The following SASH1 variants were observed in gnomAD, a reference collection of about 807,000 sequenced individuals.
SASH1 encodes SAM and SH3 domain-containing protein 1.
In SASH1, 44 loss-of-function variants were observed where a neutral mutation model predicts 125.2. The ratio of observed to expected loss-of-function variants is 0.35; its 90% CI spans 0.28 to 0.45. SASH1 has a LOEUF of 0.45. Among genes scored for constraint, SASH1 ranks in the 20% least tolerant of loss-of-function variants. The pLI, the probability that SASH1 is intolerant of heterozygous loss-of-function variation, is 1.00. For synonymous variants in SASH1, 639 were observed against 649.1 expected (o/e 0.98, Z 0.24); for missense variants, 1,426 against 1,614.5 (o/e 0.88, Z 2.00).
At position 148,548,646 on chromosome 6, in the gene SASH1, T is replaced by A. The variant is rs1490831989; in HGVS notation, c.*88T>A. 2.8e-6 allele frequency: 4 copies of A among 1,434,750 alleles called. No homozygotes were observed. In the African/African-American group the frequency reaches 5.7e-5, roughly 20 times the overall value. 88.9% of individuals were successfully genotyped at this position (1,434,750 alleles called of 1,614,324 possible). ...GCAATTCCTCCATCATCTCTGGACG[T>A]GCAGACCAGATCCAGAAGAAAGGCC... On this transcript the variant is annotated 3_prime_UTR_variant, in exon 20 of 20. Coordinates refer to ENST00000367467, the MANE Select transcript of SASH1 (RefSeq NM_015278.5).
the SASH1 span, among the ~76,000 whole-genome samples, chr6:148,238,053 G>A: frequency 2.0e-5 from 3 of 152,184 alleles, no homozygotes; most frequent in East Asian, 5.8e-4. Flanking sequence ...GGGCTGGAAT[G>A]CTCTTCCCCA....
At chr6:148,246,982 C>A in the SASH1 span, among the ~76,000 whole-genome samples, 1 of 152,004 alleles carries the variant, frequency 6.6e-6, no homozygotes, top group East Asian at 1.9e-4. Flanking sequence ...AGTGGGGAGA[C>A]AAATAAACAG....
intron 1 of SASH1, among the ~76,000 whole-genome samples, chr6:148,290,886 A>G (rs1287584380): frequency 3.7e-5 from 1 of 27,120 alleles, no homozygotes; most frequent in African/African-American, 8.3e-5. Flanking sequence ...AAAAAAAGTT[A>G]AAAAAAAAAA....
At chr6:148,202,128 G>GT in the SASH1 span, among the ~76,000 whole-genome samples, 55 of 149,418 alleles carry the variant, frequency 3.7e-4, no homozygotes, top group African/African-American at 5.9e-4. Context: ...GCTGGATTCA[G>GT]TTTTTTTTTT....
chr6:148,451,736 G>A (rs1777109947), intron 4 of SASH1, among the ~76,000 whole-genome samples: 1 of 152,178 alleles, frequency 6.6e-6, no homozygotes, highest in South Asian at 2.1e-4. Context: ...AGAAAATCAT[G>A]CTGTGGAATT....
At chr6:148,307,068 CTTTCTTTCTTTCTTTCTTTCTTTCTT>C (rs1780156312) in intron 1 of SASH1, among the ~76,000 whole-genome samples, 1 of 146,322 alleles carries the variant, frequency 6.8e-6, no homozygotes, top group Non-Finnish European at 1.5e-5. Flanking sequence ...TTCTTTCTTT[CTTTCTTTCTTTCTTTCTTTCTTTCTT>C]TCTCTCTCTC....
intron 1 of SASH1, among the ~76,000 whole-genome samples, chr6:148,302,673 ACACACACG>A (rs1334702712): frequency 4.4e-5 from 3 of 67,758 alleles, no homozygotes; most frequent in Admixed American, 1.5e-4. Flanking sequence ...ACACACACAC[ACACACACG>A]GAGAAATATA....
intron 1 of SASH1, among the ~76,000 whole-genome samples, chr6:148,369,110 G>A (rs1242381674): frequency 6.6e-6 from 1 of 152,184 alleles, no homozygotes; most frequent in Non-Finnish European, 1.5e-5. Flanking sequence ...GTTGGGGAGA[G>A]TACCTGGATG....
chr6:148,298,193 A>G lies in SASH1; in HGVS notation n.74+25816A>G, dbSNP rs190944297. ...AGCTAATTTTTGTACTTTTTTTTCC[A>G]GTGGAGATGGGGTGTCACCATGTTG... is the stretch of plus-strand genomic sequence containing the variant. On this transcript the variant is annotated intron_variant and non_coding_transcript_variant, in intron 1 of 3. Transcript: ENST00000367469. 2.6e-4 allele frequency among the ~76,000 whole-genome samples: 40 copies of G among 151,656 alleles called. No individual in the cohort carries two copies. The East Asian group carries it at 7.7e-3, about 29-fold the overall frequency.
the SASH1 span, among the ~76,000 whole-genome samples, chr6:148,253,192 C>T: frequency 0.046 from 6,935 of 152,308 alleles, 214 homozygotes; most frequent in Non-Finnish European, 0.066. Flanking sequence ...CTTACTACAA[C>T]GCTACAATGT....
chr6:148,260,628 A>G, the SASH1 span, among the ~76,000 whole-genome samples: 12 of 151,202 alleles, frequency 7.9e-5, no homozygotes, highest in East Asian at 2.3e-3. Context: ...AAAAAAGATT[A>G]TTTTAAAATA....
intron 1 of SASH1, among the ~76,000 whole-genome samples, chr6:148,350,529 T>C (rs966551071): frequency 6.6e-6 from 1 of 152,192 alleles, no homozygotes; most frequent in African/African-American, 2.4e-5. Context: ...AATCCGTAGC[T>C]CAATTTTACA....
intron 1 of SASH1, among the ~76,000 whole-genome samples, chr6:148,365,606 T>C (rs4896998): frequency 0.35 from 53,464 of 151,814 alleles, 9,584 homozygotes; most frequent in Admixed American, 0.4. Context: ...GCACCTTTGA[T>C]GTCTTGCTCT....
chr6:148,405,069 TTACTGCTCAAACCGGGGATAC>T (rs1223669293), intron 2 of SASH1, among the ~76,000 whole-genome samples: 2 of 151,980 alleles, frequency 1.3e-5, no homozygotes, highest in African/African-American at 4.8e-5. Flanking sequence ...CTTGCAGAAC[TTACTGCTCAAACCGGGGATAC>T]TCCTGCCTTC....
rs1172998019 is a variant in SASH1, at chr6:148,519,840, C to T, written c.1156C>T (p.Arg386Cys). 1.5e-5 allele frequency: 24 copies of T among 1,608,294 alleles called. No homozygotes were observed. The highest frequency in any genetic ancestry group is 8.9e-5 in the South Asian group (8 of 90,388). ...PEEEKAQKVS[R>C]SLTEGEMKKG... The stretch of plus-strand genomic sequence containing the variant: ...AGAAGAAAAGGCCCAGAAAGTGTCC[C>T]GCTCCCTCACCGAGGGGGAGATGAA... The change falls in exon 10 of 20, where the codon CGC becomes TGC. Residue 386 changes from arginine to cysteine, a missense_variant. By Grantham distance (180) the Arg-to-Cys change is radical (BLOSUM62 -3). Transcript: ENST00000367467. The surrounding 1 kb of genome is among the most constrained non-coding windows in gnomAD (Gnocchi z 4.8).
chr6:148,440,166 G>A lies in SASH1; in HGVS notation c.286-18G>A. On this transcript the variant is annotated intron_variant, in intron 2 of 19. Coordinates refer to ENST00000367467, the MANE Select transcript of SASH1 (RefSeq NM_015278.5). ...CATGTTTGGAAGTCCCGTTAAACTG[G>A]CATCTGTTCTGTTTTAGGAGAAACC... 6.2e-7 allele frequency: 1 copy of A among 1,613,340 alleles called. No homozygotes were observed.
chr6:148,227,873 A>G, the SASH1 span, among the ~76,000 whole-genome samples: 2 of 152,206 alleles, frequency 1.3e-5, 1 homozygote, highest in South Asian at 4.1e-4. Context: ...CATGGTGCAA[A>G]GAAGAGGTTT....
chr6:148,390,120 G>A lies in SASH1; in HGVS notation c.157-14G>A. The A allele has an allele frequency of 3.1e-6, 5 of 1,612,040 alleles. No individual in the cohort carries two copies. Among genetic ancestry groups the A allele is most frequent in the Non-Finnish European group, 4.2e-6 (5 of 1,178,804 alleles). On this transcript the variant is annotated splice_polypyrimidine_tract_variant and intron_variant, in intron 1 of 19. Coordinates refer to ENST00000367467, the MANE Select transcript of SASH1 (RefSeq NM_015278.5). ...TGGACTGACCTGACCGCCTTTGTTT[G>A]TCCACCCCTTCAGGACGGTTCACTG...
At chr6:148,209,243 CG>C in the SASH1 span, among the ~76,000 whole-genome samples, 2 of 152,112 alleles carry the variant, frequency 1.3e-5, no homozygotes, top group African/African-American at 4.8e-5. Context: ...GCAGCTATTC[CG>C]TAATACACCT....
Sources: allele counts gnomAD v4.1 joint callset (sites outside exome capture counted in the v4.1 genomes callset), GRCh38; gene constraint gnomAD v4.1.1; non-coding constraint Gnocchi (gnomAD v3.1); transcripts MANE v1.5; gene names NCBI Gene and HGNC (gene_info 2026-07-23, HGNC 2026-07-21).